Variants in PTH2R observed in about 807,000 individuals in gnomAD.
PTH2R encodes the protein parathyroid hormone 2 receptor.
PTH2R carries 59 observed loss-of-function variants against 60.3 expected under a neutral mutation model. The ratio of observed to expected loss-of-function variants is 0.98; its 90% confidence interval spans 0.79 to 1.22. PTH2R has a LOEUF of 1.22. PTH2R is among the 50% of genes most tolerant of loss of function. PTH2R has a pLI of 0.00. For synonymous variants in PTH2R, 256 were observed against 243.8 expected (o/e 1.05, Z -0.47); for missense variants, 749 against 682.6 (o/e 1.10, Z -1.08).
chr2:208,390,242 T>C (rs1225099530), intron 1 of PTH2R, among the ~76,000 whole-genome samples: 2 of 152,238 alleles, frequency 1.3e-5, no homozygotes, highest in African/African-American at 2.4e-5. Context: ...TGGTCAATTT[T>C]TCCCAGCCTG....
intron 8 of PTH2R, among the ~76,000 whole-genome samples, chr2:208,456,520 T>C (rs1702517747): frequency 6.6e-6 from 1 of 152,230 alleles, no homozygotes; most frequent in Non-Finnish European, 1.5e-5. Flanking sequence ...CTGACATTTC[T>C]AGAACATCTG....
chr2:208,469,802 A>G (rs1418408631), intron 9 of PTH2R: 1 of 152,236 alleles, frequency 6.6e-6, no homozygotes, highest in Non-Finnish European at 1.5e-5. Flanking sequence ...AGATCAAAAT[A>G]TAAGAGAAAT....
chr2:208,446,148 G>A (rs1702283628), intron 7 of PTH2R, among the ~76,000 whole-genome samples: 2 of 152,078 alleles, frequency 1.3e-5, no homozygotes, highest in South Asian at 4.1e-4. Context: ...CTTCATCATT[G>A]CTTACATTTT....
At chr2:208,423,130 C>T (rs1001562246) in intron 1 of PTH2R, among the ~76,000 whole-genome samples, 3 of 151,618 alleles carry the variant, frequency 2.0e-5, no homozygotes, top group Non-Finnish European at 1.5e-5. Context: ...TTTCTACTTG[C>T]TTTGGTTTTA....
At chr2:208,448,701 A>ATTATTATTAT (rs1702340102) in intron 7 of PTH2R, among the ~76,000 whole-genome samples, 1 of 150,538 alleles carries the variant, frequency 6.6e-6, no homozygotes, top group East Asian at 1.9e-4. Context: ...AATTTATATT[A>ATTATTATTAT]AATTTACTTA....
intron 1 of PTH2R, among the ~76,000 whole-genome samples, chr2:208,413,187 A>G (rs1408861271): frequency 1.3e-5 from 2 of 152,004 alleles, no homozygotes; most frequent in African/African-American, 4.8e-5. Flanking sequence ...TTTATAAACA[A>G]TGTAGAAGAC....
intron 9 of PTH2R, among the ~76,000 whole-genome samples, chr2:208,476,854 A>G (rs1703016071): frequency 6.6e-6 from 1 of 152,170 alleles, no homozygotes; most frequent in Non-Finnish European, 1.5e-5. Context: ...GAAGAACCCC[A>G]TAATTAGTCA....
At chr2:208,427,494 A>G (rs1306785220) in intron 1 of PTH2R, among the ~76,000 whole-genome samples, 1 of 149,444 alleles carries the variant, frequency 6.7e-6, no homozygotes, top group Non-Finnish European at 1.5e-5. Context: ...CTCATTTTCT[A>G]AAAAAAAAAT....
intron 1 of PTH2R, among the ~76,000 whole-genome samples, chr2:208,419,929 T>C (rs1701719129): frequency 6.6e-6 from 1 of 152,184 alleles, no homozygotes; most frequent in South Asian, 2.1e-4. Flanking sequence ...ATGTGGCACA[T>C]ATACACTGTG....
intron 1 of PTH2R, among the ~76,000 whole-genome samples, chr2:208,426,674 T>G (rs2105852562): frequency 6.6e-6 from 1 of 152,326 alleles, no homozygotes; most frequent in African/African-American, 2.4e-5. Context: ...TTTGTAAATG[T>G]CTGGCATTTC....
intron 3 of PTH2R, 41 bp from the exon 4 acceptor site, chr2:208,437,719 A>G (rs1465475735): frequency 1.2e-6 from 2 of 1,606,460 alleles, no homozygotes; most frequent in South Asian, 1.1e-5. Context: ...AATAGATTCT[A>G]AGGGAACTGA....
chr2:208,401,432 G>T (rs1701306034), intron 1 of PTH2R, among the ~76,000 whole-genome samples: 1 of 151,184 alleles, frequency 6.6e-6, no homozygotes, highest in Non-Finnish European at 1.5e-5. Context: ...TGTCCTCCAA[G>T]ACTTGCAAAA....
At chr2:208,362,061 C>A (rs748733584) in intron 1 of PTH2R, among the ~76,000 whole-genome samples, 6 of 152,204 alleles carry the variant, frequency 3.9e-5, no homozygotes, top group Non-Finnish European at 8.8e-5. Flanking sequence ...GTTATCTCCC[C>A]ACCACCCCTG....
At chr2:208,491,741 T>A (rs1332838125) in intron 12 of PTH2R, among the ~76,000 whole-genome samples, 1 of 152,008 alleles carries the variant, frequency 6.6e-6, no homozygotes, top group Non-Finnish European at 1.5e-5. Context: ...ATGTATTTAT[T>A]AGGACCCACT....
intron 1 of PTH2R, among the ~76,000 whole-genome samples, chr2:208,361,560 T>C (rs961620881): frequency 5.9e-5 from 9 of 152,126 alleles, no homozygotes; most frequent in African/African-American, 1.2e-4. Flanking sequence ...CTCCACAACT[T>C]TTTCATTTTG....
At chr2:208,483,559 T>G (rs1466850987) in intron 10 of PTH2R, among the ~76,000 whole-genome samples, 1 of 152,196 alleles carries the variant, frequency 6.6e-6, no homozygotes, top group African/African-American at 2.4e-5. Context: ...GACAATATTT[T>G]GAATTAATTC....
chr2:208,359,953 G>A (rs532639110), exon 1 of PTH2R: 3 of 258,704 alleles, frequency 1.2e-5, no homozygotes, highest in Middle Eastern at 1.7e-3. Flanking sequence ...CTTCCTCCAC[G>A]TTCTCGTGCT....
chr2:208,456,186 G>A (rs1702510712), intron 8 of PTH2R, among the ~76,000 whole-genome samples: 1 of 152,008 alleles, frequency 6.6e-6, no homozygotes, highest in East Asian at 1.9e-4. Context: ...AGGCTACAGT[G>A]AGCCGAGATC....
At chr2:208,436,373 G>A (rs1205336399) in intron 2 of PTH2R, among the ~76,000 whole-genome samples, 1 of 152,138 alleles carries the variant, frequency 6.6e-6, no homozygotes, top group Non-Finnish European at 1.5e-5. Context: ...ATGCCTGTTG[G>A]AGCTGTTGGA....
Sources: gnomAD v4.1 joint callset for allele counts (sites outside exome capture counted in the v4.1 genomes callset) on GRCh38, gnomAD v4.1.1 for gene constraint, MANE v1.5 for transcripts, NCBI Gene and HGNC (gene_info 2026-07-23, HGNC 2026-07-21) for gene names.